The following MEF2B variants were observed in gnomAD, a reference collection of about 807,000 sequenced individuals.
MEF2B encodes myocyte enhancer factor 2B, also known as myocyte-specific enhancer factor 2B.
A neutral mutation model predicts 32.2 loss-of-function variants in MEF2B; 15 were observed. The observed-to-expected ratio is 0.47, with a 90% confidence interval of 0.31 to 0.72. The LOEUF (loss-of-function observed/expected upper bound fraction) is 0.72. Ranked by LOEUF, MEF2B falls within the 30% of genes least tolerant of loss-of-function variation. MEF2B has a pLI of 0.05. For synonymous variants in MEF2B, 205 were observed against 225.6 expected (o/e 0.91, Z 0.82); for missense variants, 441 against 511.5 (o/e 0.86, Z 1.33).
intron 1 of MEF2B, chr19:19,157,055 C>T (rs118102754): frequency 0.012 from 2,690 of 233,890 alleles, 62 homozygotes; most frequent in East Asian, 0.079. Context: ...GAGCCTGAGA[C>T]GGGAGGATTC....
intron 1 of MEF2B, among the ~76,000 whole-genome samples, chr19:19,154,858 G>C (rs2060109689): frequency 6.6e-6 from 1 of 152,224 alleles, no homozygotes; most frequent in Non-Finnish European, 1.5e-5. Context: ...CTGGAGAGAA[G>C]GCAAGGGCTG....
chr19:19,165,856 C>T (rs1011963213), intron 1 of MEF2B, among the ~76,000 whole-genome samples: 2 of 152,144 alleles, frequency 1.3e-5, no homozygotes, highest in African/African-American at 4.8e-5. Flanking sequence ...CTCCATTTCT[C>T]CCTTCCTCAG....
In MEF2B at chr19:19,149,413, C is replaced by T; in HGVS notation, c.71G>A (p.Arg24Gln). 1.2e-6 allele frequency: 2 copies of T among 1,613,978 alleles called. No individual in the cohort carries two copies. The highest frequency in any genetic ancestry group is 1.7e-6 in the Non-Finnish European group (2 of 1,180,014). Residue 24 changes from arginine to glutamine, a missense_variant, in exon 3 of 9, where the codon CGG becomes CAG. Around this residue, in one of 2 missense-constraint regions of MEF2B, gnomAD observed 115 missense variants for 183.1 expected, o/e 0.63. Coordinates refer to ENST00000424583, the MANE Select transcript of MEF2B (RefSeq NM_001145785.2). ...QRNRQVTFTK[R>Q]KFGLMKKAYE... ...GGCCTTCTTCATCAGCCCGAACTTC[C>T]GCTTGGTGAACGTCACCTGGACCCA...
At chr19:19,167,538 AG>A (rs1326338878) in intron 1 of MEF2B, among the ~76,000 whole-genome samples, 51 of 152,244 alleles carry the variant, frequency 3.3e-4, no homozygotes, top group African/African-American at 1.2e-3. Flanking sequence ...AAAGAAAGAA[AG>A]AAAGAAAGAA....
intron 1 of MEF2B, among the ~76,000 whole-genome samples, chr19:19,169,237 C>T (rs1413187685): frequency 6.6e-6 from 1 of 151,840 alleles, no homozygotes; most frequent in Admixed American, 6.6e-5. Context: ...GCCTGTAATC[C>T]CAGCTACTTA....
chr19:19,157,084 A>C (rs1241111268), intron 1 of MEF2B: 2 of 253,016 alleles, frequency 7.9e-6, no homozygotes, highest in Non-Finnish European at 1.7e-5. Context: ...CAGGAGTTCA[A>C]GGTTACAGTG....
chr19:19,150,726 T>TC lies in MEF2B; in HGVS notation c.9dup (p.Lys4GlufsTer31). 1.2e-6 allele frequency: 2 copies of TC among 1,613,930 alleles called. No homozygotes were observed. Among genetic ancestry groups the TC allele is most frequent in the Non-Finnish European group, 1.7e-6 (2 of 1,180,000 alleles). On this transcript the variant is annotated frameshift_variant, in exon 2 of 9. Coordinates refer to ENST00000424583, the MANE Select transcript of MEF2B (RefSeq NM_001145785.2). LOFTEE classifies it high-confidence loss of function. ...AGGATGCGGGAGATCTGGATTTTTT[T>TC]CCTCCCCATCGTCCCAGGCTGAGTG...
intron 1 of MEF2B, among the ~76,000 whole-genome samples, chr19:19,161,953 A>G (rs1434999548): frequency 2.6e-5 from 4 of 151,178 alleles, no homozygotes; most frequent in African/African-American, 7.3e-5. Flanking sequence ...GATTACAGCC[A>G]TGCGCTACCA....
At chr19:19,149,452 C>A (rs571734147) in intron 2 of MEF2B, 23 bp from the exon 3 acceptor site, 1 of 1,613,602 alleles carries the variant, frequency 6.2e-7, no homozygotes, top group South Asian at 1.1e-5. Flanking sequence ...CCCACAGGGG[C>A]AGGGGAGAGA....
intron 1 of MEF2B, among the ~76,000 whole-genome samples, chr19:19,153,736 C>T (rs1293791803): frequency 3.3e-5 from 5 of 152,006 alleles, no homozygotes; most frequent in East Asian, 1.9e-4. Context: ...AGATTACAGG[C>T]GTGAGCCACC....
At chr19:19,161,440 C>A (rs960547203) in intron 1 of MEF2B, among the ~76,000 whole-genome samples, 2 of 152,032 alleles carry the variant, frequency 1.3e-5, no homozygotes, top group Non-Finnish European at 2.9e-5. Flanking sequence ...CGAAAGTCCC[C>A]AAAATACATG....
rs1434789521 is a variant in MEF2B, at chr19:19,149,267, T to C, written c.217A>G (p.Ser73Gly). The C allele has an allele frequency of 1.4e-5, 23 of 1,613,958 alleles. No individual in the cohort carries two copies. Among genetic ancestry groups the C allele is most frequent in the Non-Finnish European group, 1.9e-5 (23 of 1,179,998 alleles). Residue 73 changes from serine to glycine, a missense_variant, in exon 3 of 9, where the codon AGC (serine) becomes GGC (glycine). By Grantham distance (56) the Ser-to-Gly change is moderately conservative. Around this residue, in one of 2 missense-constraint regions of MEF2B, gnomAD observed 115 missense variants for 183.1 expected, o/e 0.63. Transcript: ENST00000424583. ...TTGGTGCGGCTCTCGTGGGGCTCGC[T>C]GTACTCTGTGTACTTCAGCAGCACA... The part of the protein sequence containing the change: ...DRVLLKYTEY[S>G]EPHESRTNTD...
chr19:19,147,747 C>T lies in MEF2B; in HGVS notation c.344G>A (p.Arg115Lys). Residue 115 changes from arginine to lysine, a missense_variant, in exon 4 of 9, where the codon AGG (arginine) becomes AAG (lysine). Arg to Lys is a conservative substitution (Grantham distance 26). Coordinates refer to ENST00000424583, the MANE Select transcript of MEF2B (RefSeq NM_001145785.2). ...CGGATCACCCCCTTCGCCTGCCAGCCTCCGAAACTTCTCTCCTGGCTCCTC... is the reference window on the plus strand; with the variant it reads ...CGGATCACCCCCTTCGCCTGCCAGCTTCCGAAACTTCTCTCCTGGCTCCTC... ...GPEEPGEKFR[R>K]LAGEGGDPAL... 6.2e-7 allele frequency: 1 copy of T among 1,614,022 alleles called. No homozygotes were observed. The highest frequency in any genetic ancestry group is 8.5e-7 in the Non-Finnish European group (1 of 1,179,994).
chr19:19,160,421 C>T (rs2060151426), intron 1 of MEF2B, among the ~76,000 whole-genome samples: 1 of 152,104 alleles, frequency 6.6e-6, no homozygotes, highest in Non-Finnish European at 1.5e-5. Flanking sequence ...AAATGGGTCA[C>T]AGGATCCTAA....
intron 1 of MEF2B, among the ~76,000 whole-genome samples, chr19:19,166,812 C>A (rs2060212551): frequency 6.6e-6 from 1 of 152,106 alleles, no homozygotes; most frequent in South Asian, 2.1e-4. Context: ...GCCTCTAATC[C>A]CAGCACTTTG....
At chr19:19,149,543 T>A in intron 2 of MEF2B, 114 bp from the exon 3 acceptor site, 1 of 1,373,358 alleles carries the variant, frequency 7.3e-7, no homozygotes, top group Non-Finnish European at 1.0e-6. Context: ...GGATTCTTTC[T>A]GGCTGAGCTG....
intron 1 of MEF2B, among the ~76,000 whole-genome samples, chr19:19,164,062 G>A (rs2060187911): frequency 6.6e-6 from 1 of 152,082 alleles, no homozygotes; most frequent in Admixed American, 6.6e-5. Flanking sequence ...TGCCTCCCGG[G>A]TTGAAGCGAT....
rs528114278 is a variant in MEF2B at position 19,158,105 on chromosome 19, T to G, written c.-29-7341A>C. Among the ~76,000 whole-genome samples the G allele has an allele frequency of 6.6e-3, 931 of 141,232 alleles. 7 individuals carry two copies. The highest frequency in any genetic ancestry group is 7.9e-3 in the Non-Finnish European group (516 of 65,042). The allele number at this position is 141,232 out of a possible 152,430, so 92.7% of individuals were successfully genotyped here. On this transcript the variant is annotated intron_variant, in intron 1 of 8. Coordinates refer to ENST00000424583, the MANE Select transcript of MEF2B (RefSeq NM_001145785.2). The stretch of plus-strand genomic sequence containing the variant: ...AAAGGAAGATTTCTTTTTTTTTTTT[T>G]GAAGTGGAGTCTCGCTCTGTTACCC...
rs766730470 is a variant in MEF2B, at chr19:19,147,213, A to AACTGTTTGCCTGTTGAACT, written c.394-31_394-30insAGTTCAACAGGCAAACAGT. 2.7e-4 allele frequency: 375 copies of AACTGTTTGCCTGTTGAACT among 1,394,326 alleles called. 4 individuals carry two copies. The Admixed American group carries it at 3.3e-3, about 12-fold the overall frequency. The allele number at this position is 1,394,326 out of a possible 1,614,324, so 86.4% of individuals were successfully genotyped here. A position where few individuals can be genotyped will look rare whatever the true frequency, so the allele number is the denominator to read the frequency against. On this transcript the variant is annotated intron_variant, in intron 4 of 8. Coordinates refer to ENST00000424583, the MANE Select transcript of MEF2B (RefSeq NM_001145785.2). ...GGGTAGAGAAGGGATGGGTCAGAGGACCCCAGGCCAGATGGGGGTGCCAAG... is the reference window on the plus strand; with the variant it reads ...GGGTAGAGAAGGGATGGGTCAGAGGAACTGTTTGCCTGTTGAACTCCCCAGGCCAGATGGGGGTGCCAAG...
Sources: gnomAD v4.1 joint callset for allele counts (sites outside exome capture counted in the v4.1 genomes callset) on GRCh38, gnomAD v4.1.1 for gene constraint, gnomAD v4.1.1 regional missense constraint, MANE v1.5 for transcripts, NCBI Gene and HGNC (gene_info 2026-07-23, HGNC 2026-07-21) for gene names.